NEBL: variants seen among roughly 807,000 people sequenced by gnomAD.
The protein encoded by NEBL is nebulette, also known as LIM and SH3 protein 2.
Under a neutral mutation model 140.2 loss-of-function variants are expected in NEBL, and 122 were observed. The ratio of observed to expected loss-of-function variants is 0.87; its 90% CI spans 0.75 to 1.01. NEBL has a LOEUF of 1.01. Ranked by LOEUF, NEBL falls within the 50% of genes least tolerant of loss-of-function variation. NEBL has a pLI of 0.00. For missense variants in NEBL, 1,365 were observed against 1,231.3 expected (o/e 1.11, Z -1.62); for synonymous variants, 436 against 398.9 (o/e 1.09, Z -1.11).
chr10:20,917,284 A>G (rs148027536), intron 4 of NEBL, among the ~76,000 whole-genome samples: 201 of 152,314 alleles, frequency 1.3e-3, no homozygotes, highest in African/African-American at 4.7e-3. Context: ...AATCACTAAT[A>G]TTGTATTTTC....
intron 5 of NEBL, among the ~76,000 whole-genome samples, chr10:20,876,134 T>C (rs1435343311): frequency 6.6e-6 from 1 of 152,208 alleles, no homozygotes; most frequent in East Asian, 1.9e-4. Context: ...ATAAGCCTTT[T>C]AAATATAAGT....
Position 20,966,679 on chromosome 10 carries a change from G to A in NEBL, c.250-4900C>T, listed in dbSNP as rs1351971246. ...CCAGCTTAAGGAAAAGGCTCACAGT[G>A]ACTAAAAAGGAAGACTTCTGAAAAA... is the stretch of plus-strand genomic sequence containing the variant. On this transcript the variant is annotated intron_variant, in intron 3 of 6. Coordinates refer to the NEBL transcript ENST00000417816. Among the ~76,000 whole-genome samples, 8 of 152,144 alleles carry A rather than the reference G, an allele frequency of 5.3e-5. No individual in the cohort carries two copies. The South Asian group carries it at 8.3e-4, about 16-fold the overall frequency.
intron 2 of NEBL, chr10:21,020,283 C>G (rs1159756683): frequency 8.3e-7 from 1 of 1,203,418 alleles, no homozygotes; most frequent in Admixed American, 1.8e-5. Context: ...TTTGCACATC[C>G]CCCCTTTTCC....
chr10:20,884,167 C>T (rs1846256973), intron 4 of NEBL, among the ~76,000 whole-genome samples: 3 of 152,132 alleles, frequency 2.0e-5, no homozygotes, highest in Admixed American at 2.0e-4. Context: ...GATCTTACAG[C>T]ATATTTTATA....
chr10:20,967,239 C>T (rs139110851), intron 3 of NEBL, among the ~76,000 whole-genome samples: 2,508 of 151,784 alleles, frequency 0.017, 26 homozygotes, highest in Middle Eastern at 0.027. Context: ...TGAATAAATC[C>T]AATGTAATAT....
intron 2 of NEBL, among the ~76,000 whole-genome samples, chr10:21,080,650 A>G (rs911925516): frequency 1.3e-5 from 2 of 152,168 alleles, no homozygotes; most frequent in Non-Finnish European, 2.9e-5. Flanking sequence ...TAGGACTACA[A>G]TGGAAAAGAA....
At chr10:20,882,557 G>C (rs942592111) in intron 4 of NEBL, among the ~76,000 whole-genome samples, 9 of 152,148 alleles carry the variant, frequency 5.9e-5, no homozygotes, top group African/African-American at 2.2e-4. Flanking sequence ...GAGTAGAAAT[G>C]CAATAAATGT....
chr10:20,961,392 T>A (rs1214757537), intron 4 of NEBL, among the ~76,000 whole-genome samples: 1 of 152,156 alleles, frequency 6.6e-6, no homozygotes, highest in Non-Finnish European at 1.5e-5. Context: ...AAGTTTCTTA[T>A]TTTAATTATA....
chr10:20,919,493 T>C (rs891011671), intron 4 of NEBL, among the ~76,000 whole-genome samples: 7 of 152,208 alleles, frequency 4.6e-5, no homozygotes, highest in South Asian at 2.1e-4. Context: ...ATTTCCATTA[T>C]TAGAGCTGTG....
intron 4 of NEBL, among the ~76,000 whole-genome samples, chr10:20,913,905 C>CT (rs1353580263): frequency 6.6e-6 from 1 of 152,074 alleles, no homozygotes; most frequent in Non-Finnish European, 1.5e-5. Context: ...GGCTGTTAGC[C>CT]TTTTTTGTGC....
At chr10:20,865,076 A>C (rs1389830429) in intron 7 of NEBL, among the ~76,000 whole-genome samples, 1 of 152,196 alleles carries the variant, frequency 6.6e-6, no homozygotes, top group Non-Finnish European at 1.5e-5. Flanking sequence ...TTGAATTTGA[A>C]ATGTGAAAAT....
chr10:21,286,045 C>G lies in NEBL; in HGVS notation n.182+6785G>C, dbSNP rs1007251000. On this transcript the variant is annotated intron_variant and non_coding_transcript_variant, in intron 1 of 8. Transcript: ENST00000675702. The stretch of plus-strand genomic sequence containing the variant: ...GCTCATTCTTCCATCTCTGGTTCTC[C>G]CCCTCTCTTTAGACTTGGCCTTCAG... 3.3e-5 allele frequency among the ~76,000 whole-genome samples: 5 copies of G among 152,184 alleles called. No individual in the cohort carries two copies. In the East Asian group the frequency reaches 9.6e-4, roughly 29 times the overall value.
chr10:20,839,446 A>G (rs1173096384), intron 13 of NEBL, among the ~76,000 whole-genome samples: 1 of 152,104 alleles, frequency 6.6e-6, no homozygotes, highest in African/African-American at 2.4e-5. Flanking sequence ...TCCTTCTGGC[A>G]AAAAGCTCCA....
At chr10:21,175,714 A>T (rs1841283571), upstream of NEBL, among the ~76,000 whole-genome samples, 1 of 152,234 alleles carries the variant, frequency 6.6e-6, no homozygotes, top group South Asian at 2.1e-4. Context: ...AAGCAAATAA[A>T]ATGAGAATTT....
intron 19 of NEBL, among the ~76,000 whole-genome samples, chr10:20,820,541 T>C (rs1458042461): frequency 2.0e-5 from 3 of 152,116 alleles, no homozygotes; most frequent in Non-Finnish European, 4.4e-5. Flanking sequence ...GAAACAGACT[T>C]GAGGTCGGGT....
At chr10:20,953,884 C>G (rs2131600636) in intron 4 of NEBL, among the ~76,000 whole-genome samples, 1 of 152,166 alleles carries the variant, frequency 6.6e-6, no homozygotes, top group East Asian at 1.9e-4. Context: ...AGTACGTGCT[C>G]TGTACTGAGC....
chr10:21,077,609 AAAAAAT>A (rs1166553594), intron 2 of NEBL, among the ~76,000 whole-genome samples: 1 of 152,158 alleles, frequency 6.6e-6, no homozygotes, highest in African/African-American at 2.4e-5. Context: ...TTCATCTCAA[AAAAAAT>A]AAAAATAAAA....
chr10:21,092,611 TA>T (rs1337210795), intron 2 of NEBL, among the ~76,000 whole-genome samples: 2 of 148,562 alleles, frequency 1.3e-5, no homozygotes, highest in African/African-American at 2.4e-5. Flanking sequence ...ATAATAATAA[TA>T]ATAATAATAA....
At chr10:20,918,139 A>G (rs1321949681) in intron 4 of NEBL, among the ~76,000 whole-genome samples, 1 of 152,034 alleles carries the variant, frequency 6.6e-6, no homozygotes, top group Non-Finnish European at 1.5e-5. Flanking sequence ...CGGGCAGATC[A>G]CTTGAGGTCA....
Sources: gnomAD v4.1 joint callset for allele counts (sites outside exome capture counted in the v4.1 genomes callset) on GRCh38, gnomAD v4.1.1 for gene constraint, MANE v1.5 for transcripts, NCBI Gene and HGNC (gene_info 2026-07-23, HGNC 2026-07-21) for gene names.